GRIK1: variants seen among roughly 807,000 people sequenced by gnomAD.
GRIK1 encodes the protein glutamate receptor ionotropic, kainate 1.
Under a neutral mutation model 105.7 loss-of-function variants are expected in GRIK1, and 69 were observed. That is an observed-to-expected ratio of 0.65 (90% CI 0.54 to 0.80). The LOEUF (loss-of-function observed/expected upper bound fraction) is 0.80, where lower values mean the gene tolerates loss of function less well. Ranked by LOEUF, GRIK1 falls within the 30% of genes least tolerant of loss-of-function variation. The pLI, the probability that GRIK1 is intolerant of heterozygous loss-of-function variation, is 0.00. For synonymous variants in GRIK1, 438 were observed against 431.3 expected, an observed-to-expected ratio of 1.02 and a Z score of -0.19; for missense variants, 1,109 against 1,167.3, an observed-to-expected ratio of 0.95 and a Z score of 0.73.
At chr21:29,849,680 C>G (rs1036830576) in intron 1 of GRIK1, among the ~76,000 whole-genome samples, 1 of 152,216 alleles carries the variant, frequency 6.6e-6, no homozygotes, top group East Asian at 1.9e-4. Flanking sequence ...CTGCTTAACT[C>G]CTTGACTCCA....
chr21:29,887,702 T>C (rs1205717911), intron 1 of GRIK1, among the ~76,000 whole-genome samples: 2 of 152,158 alleles, frequency 1.3e-5, no homozygotes, highest in Non-Finnish European at 2.9e-5. Context: ...ATCTTTTCCC[T>C]CTTCCTTCCT....
chr21:29,620,810 T>TATATAGATAGATAG (rs2061979413), intron 7 of GRIK1, among the ~76,000 whole-genome samples: 1 of 114,972 alleles, frequency 8.7e-6, no homozygotes, highest in African/African-American at 4.2e-5. Context: ...TATATAGATA[T>TATATAGATAGATAG]ATATATATAG....
chr21:29,825,921 C>A (rs1460126620), intron 1 of GRIK1, among the ~76,000 whole-genome samples: 2 of 152,058 alleles, frequency 1.3e-5, no homozygotes, highest in Admixed American at 6.6e-5. Context: ...CCACACAAAC[C>A]TGCCTGGTCT....
chr21:29,738,665 T>C (rs1045819641), intron 1 of GRIK1, among the ~76,000 whole-genome samples: 1 of 152,242 alleles, frequency 6.6e-6, no homozygotes, highest in African/African-American at 2.4e-5. Context: ...GGAGGAACTA[T>C]ATTTCAGAGA....
intron 1 of GRIK1, among the ~76,000 whole-genome samples, chr21:29,938,561 C>T (rs565258372): frequency 3.7e-4 from 57 of 152,282 alleles, no homozygotes; most frequent in African/African-American, 1.3e-3. Context: ...TTCCACTGTC[C>T]TTGCGTTTTG....
intron 1 of GRIK1, among the ~76,000 whole-genome samples, chr21:29,925,416 T>C (rs1349308126): frequency 6.6e-6 from 1 of 152,192 alleles, no homozygotes; most frequent in African/African-American, 2.4e-5. Context: ...ATGTATTTTA[T>C]CAGATTATAA....
At chr21:29,778,001 A>G (rs866985919) in intron 1 of GRIK1, among the ~76,000 whole-genome samples, 2 of 152,160 alleles carry the variant, frequency 1.3e-5, no homozygotes, top group African/African-American at 4.8e-5. Context: ...GCAGCAGACT[A>G]TCTAATGTCC....
At chr21:29,560,331 CTTTCTTTCTTTCTTTCTTTCTTTCTTTTT>C (rs1568812842) in intron 15 of GRIK1, among the ~76,000 whole-genome samples, 4 of 120,440 alleles carry the variant, frequency 3.3e-5, no homozygotes, top group Non-Finnish European at 5.1e-5. Context: ...TTCTTTCTTT[CTTTCTTTCTTTCTTTCTTTCTTTCTTTTT>C]CTTTCTTCCT....
intron 4 of GRIK1, among the ~76,000 whole-genome samples, chr21:29,670,150 C>G (rs139899215): frequency 0.018 from 2,746 of 152,208 alleles, 37 homozygotes; most frequent in Middle Eastern, 0.037. Flanking sequence ...GTTCTTATCT[C>G]CAAAATATTT....
chr21:29,768,434 C>A (rs459617), intron 1 of GRIK1, among the ~76,000 whole-genome samples: 6 of 151,964 alleles, frequency 3.9e-5, no homozygotes, highest in African/African-American at 1.5e-4. Flanking sequence ...GACGATACAA[C>A]GATGCATTAC....
chr21:29,572,996 C>A (rs2090790273), intron 14 of GRIK1, among the ~76,000 whole-genome samples: 1 of 152,154 alleles, frequency 6.6e-6, no homozygotes, highest in Admixed American at 6.5e-5. Context: ...TGGTCTTGAA[C>A]TCCTGACCTC....
chr21:29,636,509 AAAT>A (rs2062400919), intron 7 of GRIK1, among the ~76,000 whole-genome samples: 1 of 152,226 alleles, frequency 6.6e-6, no homozygotes, highest in East Asian at 1.9e-4. Flanking sequence ...ACAGGCAAAA[AAAT>A]AATATATCCT....
intron 1 of GRIK1, among the ~76,000 whole-genome samples, chr21:29,936,116 T>C (rs2071743741): frequency 1.3e-5 from 2 of 152,164 alleles, no homozygotes; most frequent in African/African-American, 2.4e-5. Flanking sequence ...CATTGATGTA[T>C]CTAGTAAATC....
chr21:29,777,969 T>C (rs1219739965), intron 1 of GRIK1, among the ~76,000 whole-genome samples: 4 of 152,194 alleles, frequency 2.6e-5, no homozygotes, highest in African/African-American at 9.7e-5. Context: ...TTTGGGTCAG[T>C]GATATGCAGG....
chr21:29,753,739 C>A (rs1569051044), intron 1 of GRIK1, among the ~76,000 whole-genome samples: 1 of 152,116 alleles, frequency 6.6e-6, no homozygotes, highest in Non-Finnish European at 1.5e-5. Context: ...TCTTTGATTT[C>A]ATGTACAGGT....
At chr21:29,660,559 T>C (rs2062943730) in intron 4 of GRIK1, among the ~76,000 whole-genome samples, 1 of 152,220 alleles carries the variant, frequency 6.6e-6, no homozygotes, top group South Asian at 2.1e-4. Flanking sequence ...GGGAAATCCA[T>C]ATGCCACACA....
At chr21:29,599,474 A>C (rs1277331022) in intron 7 of GRIK1, among the ~76,000 whole-genome samples, 1 of 152,234 alleles carries the variant, frequency 6.6e-6, no homozygotes, top group African/African-American at 2.4e-5. Flanking sequence ...TCAAAACAAC[A>C]GAAATTTATT....
At chr21:29,797,298 C>T (rs1448519717) in intron 1 of GRIK1, among the ~76,000 whole-genome samples, 3 of 152,150 alleles carry the variant, frequency 2.0e-5, no homozygotes, top group African/African-American at 7.2e-5. Flanking sequence ...GCATCAGTGG[C>T]CAGAGAATAA....
chr21:29,796,874 G>C (rs2066572608), intron 1 of GRIK1, among the ~76,000 whole-genome samples: 1 of 152,002 alleles, frequency 6.6e-6, no homozygotes, highest in Non-Finnish European at 1.5e-5. Context: ...ACTTGAACTG[G>C]GGAGGAAGAG....
Sources: gnomAD v4.1 joint callset for allele counts (sites outside exome capture counted in the v4.1 genomes callset) on GRCh38, gnomAD v4.1.1 for gene constraint, MANE v1.5 for transcripts, NCBI Gene and HGNC (gene_info 2026-07-23, HGNC 2026-07-21) for gene names.